ACOXL: variants seen among roughly 807,000 people sequenced by gnomAD.
ACOXL encodes acyl-coenzyme A oxidase-like protein.
A neutral mutation model predicts 71.9 loss-of-function variants in ACOXL; 70 were observed. The ratio of observed to expected loss-of-function variants is 0.97; its 90% CI spans 0.80 to 1.19. ACOXL has a LOEUF of 1.19. Among genes scored for constraint, ACOXL ranks in the 50% most tolerant of loss-of-function variants. The probability of loss-of-function intolerance (pLI) is 0.00; values close to 1 mark genes in which losing one functional copy is unlikely to be tolerated. For synonymous variants in ACOXL, 253 were observed against 281.6 expected (o/e 0.90, Z 1.02); for missense variants, 703 against 736.3 (o/e 0.95, Z 0.52).
At chr2:110,744,946 A>G (rs1272261364) in intron 1 of ACOXL, among the ~76,000 whole-genome samples, 1 of 152,230 alleles carries the variant, frequency 6.6e-6, no homozygotes, top group African/African-American at 2.4e-5. Flanking sequence ...ACTAAGTTCT[A>G]GGACACACTT....
rs562372507 is a variant in ACOXL, at chr2:110,754,654, G to A, written c.-22-13714G>A. 3.9e-5 allele frequency among the ~76,000 whole-genome samples: 6 copies of A among 152,340 alleles called. No homozygotes were observed. The South Asian group carries it at 8.3e-4, about 21-fold the overall frequency. On this transcript the variant is annotated intron_variant, in intron 1 of 17. Transcript: ENST00000439055. ...TTATTGTGATCTATCCAAGTTGTGT[G>A]TGTCAGTGGTTCATTCCTTTTAATT...
intron 15 of ACOXL, among the ~76,000 whole-genome samples, chr2:111,047,489 C>T (rs547265179): frequency 1.4e-4 from 21 of 152,312 alleles, no homozygotes; most frequent in Admixed American, 6.5e-4. Flanking sequence ...TATTCTTTAG[C>T]CATCCTCAGA....
At chr2:110,772,024 T>A (rs1423839658) in intron 2 of ACOXL, among the ~76,000 whole-genome samples, 1 of 152,230 alleles carries the variant, frequency 6.6e-6, no homozygotes, top group Non-Finnish European at 1.5e-5. Flanking sequence ...TCAAGTTGAC[T>A]GAGTACATGT....
At chr2:110,903,780 C>T (rs1400235719) in intron 10 of ACOXL, among the ~76,000 whole-genome samples, 1 of 152,238 alleles carries the variant, frequency 6.6e-6, no homozygotes, top group African/African-American at 2.4e-5. Flanking sequence ...AGGATGCTGG[C>T]AACCAGAGTC....
chr2:111,039,010 G>C (rs1365263606), intron 15 of ACOXL, among the ~76,000 whole-genome samples: 1 of 152,144 alleles, frequency 6.6e-6, no homozygotes, highest in Non-Finnish European at 1.5e-5. Context: ...CTTCTTTAAA[G>C]GTGCCTCCTG....
chr2:111,091,862 G>A (rs1574735349), intron 16 of ACOXL, among the ~76,000 whole-genome samples: 1 of 152,200 alleles, frequency 6.6e-6, no homozygotes, highest in Non-Finnish European at 1.5e-5. Context: ...AGAACCCCAA[G>A]AAAGGAATGA....
chr2:110,884,259 A>G (rs1697032945), intron 10 of ACOXL, among the ~76,000 whole-genome samples: 1 of 152,256 alleles, frequency 6.6e-6, no homozygotes, highest in Non-Finnish European at 1.5e-5. Flanking sequence ...AAAGAAGATG[A>G]GAACTATCTT....
chr2:110,842,122 T>C (rs1691248972), intron 10 of ACOXL, among the ~76,000 whole-genome samples: 1 of 152,164 alleles, frequency 6.6e-6, no homozygotes, highest in African/African-American at 2.4e-5. Flanking sequence ...TAAAGTCACC[T>C]GATTTCGAAA....
chr2:110,965,692 C>G (rs1229455508), intron 12 of ACOXL, among the ~76,000 whole-genome samples: 1 of 151,792 alleles, frequency 6.6e-6, no homozygotes, highest in African/African-American at 2.4e-5. Context: ...TAGCCCCATT[C>G]CTTACAGATT....
chr2:110,868,646 T>G lies in ACOXL; in HGVS notation c.788+27241T>G, dbSNP rs146043920. ...CTCTGTTTCCCAGGCTGGAGTGCAC[T>G]GGTGCAACCCCAGCTCACTGCAGCC... On this transcript the variant is annotated intron_variant, in intron 10 of 17. Coordinates refer to ENST00000439055, the MANE Select transcript of ACOXL (RefSeq NM_001142807.4). Among the ~76,000 whole-genome samples, 21 of 152,346 alleles carry G rather than the reference T, an allele frequency of 1.4e-4. No homozygotes were observed. The East Asian group carries it at 4.1e-3, about 29-fold the overall frequency.
chr2:110,913,480 T>C (rs561510213), intron 11 of ACOXL, among the ~76,000 whole-genome samples: 1 of 152,298 alleles, frequency 6.6e-6, no homozygotes, highest in East Asian at 1.9e-4. Context: ...GAAAACATTA[T>C]GCTAAGTGAA....
chr2:110,767,104 CAAG>C (rs1681184401), intron 1 of ACOXL, among the ~76,000 whole-genome samples: 1 of 152,110 alleles, frequency 6.6e-6, no homozygotes. Flanking sequence ...TGGGTATCTC[CAAG>C]AAGGTTTTCT....
intron 10 of ACOXL, among the ~76,000 whole-genome samples, chr2:110,866,159 G>A (rs1315259730): frequency 2.0e-5 from 3 of 152,232 alleles, no homozygotes; most frequent in Admixed American, 1.3e-4. Context: ...CCAGCAGGAT[G>A]TGGGGGCCTG....
At chr2:110,810,120 G>A (rs945754215) in intron 9 of ACOXL, among the ~76,000 whole-genome samples, 12 of 152,196 alleles carry the variant, frequency 7.9e-5, no homozygotes, top group African/African-American at 2.9e-4. Flanking sequence ...CACAAACCAG[G>A]TGCCATGACA....
chr2:110,732,835 G>A (rs942759700), intron 1 of ACOXL, 61 bp downstream of exon 1: 2 of 152,392 alleles, frequency 1.3e-5, no homozygotes, highest in Non-Finnish European at 1.5e-5. Context: ...GTGTCCCCTC[G>A]GTCCCCGGAG....
intron 10 of ACOXL, among the ~76,000 whole-genome samples, chr2:110,844,699 C>T (rs1431947263): frequency 6.6e-6 from 1 of 152,092 alleles, no homozygotes; most frequent in Non-Finnish European, 1.5e-5. Context: ...AGGCACCTGC[C>T]ATCACGCCCA....
intron 9 of ACOXL, among the ~76,000 whole-genome samples, chr2:110,839,136 T>TC (rs1559328502): frequency 6.6e-6 from 1 of 152,064 alleles, no homozygotes; most frequent in African/African-American, 2.4e-5. Context: ...TTCTGTGTTT[T>TC]TTTTTTTTCT....
At chr2:110,948,280 C>T (rs528054223) in intron 12 of ACOXL, among the ~76,000 whole-genome samples, 2 of 152,262 alleles carry the variant, frequency 1.3e-5, no homozygotes, top group African/African-American at 2.4e-5. Flanking sequence ...ATCCGGGCAG[C>T]GACTGAGCGA....
chr2:110,844,540 C>G (rs1012731720), intron 10 of ACOXL, among the ~76,000 whole-genome samples: 1 of 145,146 alleles, frequency 6.9e-6, no homozygotes, highest in African/African-American at 2.5e-5. Flanking sequence ...CTTTTTTTTT[C>G]TTTTCTTTTC....
Sources: gnomAD v4.1 joint callset for allele counts (sites outside exome capture counted in the v4.1 genomes callset) on GRCh38, gnomAD v4.1.1 for gene constraint, MANE v1.5 for transcripts, NCBI Gene and HGNC (gene_info 2026-07-23, HGNC 2026-07-21) for gene names.